CDH13: variants seen among roughly 807,000 people sequenced by gnomAD.
CDH13 encodes the protein cadherin-13.
In CDH13, 24 loss-of-function variants were observed where a neutral mutation model predicts 63.8. That is an observed-to-expected ratio of 0.38 (90% CI 0.27 to 0.53). CDH13 has a LOEUF of 0.53. Ranked by LOEUF, CDH13 falls within the 20% of genes least tolerant of loss-of-function variation. The pLI is 0.85. For missense variants in CDH13, 1,049 were observed against 903.1 expected (o/e 1.16, Z -2.07); for synonymous variants, 503 against 355.3 (o/e 1.42, Z -4.67).
intron 10 of CDH13, among the ~76,000 whole-genome samples, chr16:83,693,420 TA>T (rs753756323): frequency 6.4e-4 from 98 of 152,322 alleles, no homozygotes; most frequent in South Asian, 1.2e-3. Flanking sequence ...TTGAGACTGA[TA>T]GGGGTGTTTT....
intron 2 of CDH13, among the ~76,000 whole-genome samples, chr16:82,876,399 T>C (rs921911186): frequency 6.6e-6 from 1 of 152,236 alleles, no homozygotes; most frequent in East Asian, 1.9e-4. Flanking sequence ...GTATACGACA[T>C]TGAAAGAACA....
At chr16:82,835,822 G>C (rs2038743786) in intron 1 of CDH13, among the ~76,000 whole-genome samples, 1 of 152,092 alleles carries the variant, frequency 6.6e-6, no homozygotes, top group Non-Finnish European at 1.5e-5. Flanking sequence ...TTTAATTCTT[G>C]GCCAGAGTCT....
chr16:83,472,186 TCA>T (rs1226292772), intron 6 of CDH13, among the ~76,000 whole-genome samples: 3 of 152,162 alleles, frequency 2.0e-5, no homozygotes, highest in Non-Finnish European at 1.5e-5. Context: ...TACCTCAGGC[TCA>T]CTGTTGTCCA....
intron 4 of CDH13, among the ~76,000 whole-genome samples, chr16:83,180,439 C>T (rs1016803503): frequency 6.6e-6 from 1 of 151,836 alleles, no homozygotes; most frequent in Non-Finnish European, 1.5e-5. Flanking sequence ...AAAAATAGTG[C>T]CAAGGAATGG....
intron 7 of CDH13, among the ~76,000 whole-genome samples, chr16:83,496,814 GA>G (rs1293587964): frequency 6.6e-6 from 1 of 151,928 alleles, no homozygotes; most frequent in Non-Finnish European, 1.5e-5. Flanking sequence ...AAATTTACAA[GA>G]AAAAAACAAA....
intron 3 of CDH13, among the ~76,000 whole-genome samples, chr16:83,112,359 A>T (rs193086793): frequency 1.6e-4 from 24 of 152,196 alleles, no homozygotes; most frequent in African/African-American, 5.5e-4. Flanking sequence ...ACAGGCTTTG[A>T]GAGGGAGACA....
chr16:83,199,287 T>C (rs1468426296), intron 4 of CDH13, among the ~76,000 whole-genome samples: 1 of 152,246 alleles, frequency 6.6e-6, no homozygotes, highest in Non-Finnish European at 1.5e-5. Context: ...GTCATCCTTT[T>C]CCTGAAGCCT....
chr16:83,451,121 G>T (rs1223562434), intron 6 of CDH13, among the ~76,000 whole-genome samples: 1 of 152,130 alleles, frequency 6.6e-6, no homozygotes, highest in Admixed American at 6.5e-5. Flanking sequence ...TGTTTCTGAA[G>T]CAAAGGAGAA....
chr16:83,309,335 C>T (rs564337442), intron 5 of CDH13, among the ~76,000 whole-genome samples: 1 of 151,708 alleles, frequency 6.6e-6, no homozygotes, highest in South Asian at 2.1e-4. Flanking sequence ...CAGCAGATGT[C>T]CTTTGAGGGT....
intron 4 of CDH13, among the ~76,000 whole-genome samples, chr16:83,158,675 G>A (rs1235661722): frequency 2.6e-5 from 4 of 152,196 alleles, no homozygotes; most frequent in Non-Finnish European, 4.4e-5. Flanking sequence ...ACAGATCCAC[G>A]GTACACTCAG....
At chr16:82,662,031 C>G (rs1048299197) in intron 1 of CDH13, among the ~76,000 whole-genome samples, 3 of 152,176 alleles carry the variant, frequency 2.0e-5, no homozygotes, top group Admixed American at 1.3e-4. Flanking sequence ...TTCTCATGTG[C>G]AGATGTAGGA....
At chr16:82,993,231 G>A (rs1436297516) in intron 2 of CDH13, among the ~76,000 whole-genome samples, 1 of 151,820 alleles carries the variant, frequency 6.6e-6, no homozygotes, top group Non-Finnish European at 1.5e-5. Context: ...TCTCCCAAAG[G>A]CAGCCCAAGT....
chr16:83,099,097 TAAAG>T (rs757126755), intron 3 of CDH13, among the ~76,000 whole-genome samples: 4 of 152,066 alleles, frequency 2.6e-5, no homozygotes, highest in Admixed American at 6.6e-5. Context: ...CACACATACA[TAAAG>T]ATAGTGTTCA....
At position 82,719,704 on chromosome 16, in the gene CDH13, G is replaced by A. The variant is rs542789685; in HGVS notation, c.45+92567G>A. Among the ~76,000 whole-genome samples the A allele has an allele frequency of 5.3e-5, 8 of 152,130 alleles. No individual in the cohort carries two copies. The East Asian group carries it at 1.5e-3, about 29-fold the overall frequency. ...CTACTGAAAATACAAAATTTATCTG[G>A]GTGTGGTGGTGGGTGTCTATAATCC... On this transcript the variant is annotated intron_variant, in intron 1 of 13. Coordinates refer to ENST00000567109, the MANE Select transcript of CDH13 (RefSeq NM_001257.5).
At chr16:82,845,940 A>T (rs746636760) in intron 1 of CDH13, among the ~76,000 whole-genome samples, 1 of 152,216 alleles carries the variant, frequency 6.6e-6, no homozygotes, top group South Asian at 2.1e-4. Flanking sequence ...TAATCCTGGA[A>T]TCTTAATAGT....
chr16:83,284,609 T>C (rs1206419526), intron 5 of CDH13, among the ~76,000 whole-genome samples: 10 of 152,134 alleles, frequency 6.6e-5, no homozygotes, highest in Admixed American at 4.6e-4. Flanking sequence ...GGCTGAGAAC[T>C]TCTCTGGTCA....
intron 10 of CDH13, among the ~76,000 whole-genome samples, chr16:83,704,271 A>C (rs1906680199): frequency 6.6e-6 from 1 of 152,188 alleles, no homozygotes; most frequent in East Asian, 1.9e-4. Context: ...TAGGTTGTTA[A>C]GGCAAGAGAG....
At chr16:83,118,235 C>T (rs943607969) in intron 3 of CDH13, among the ~76,000 whole-genome samples, 3 of 152,156 alleles carry the variant, frequency 2.0e-5, no homozygotes, top group African/African-American at 7.2e-5. Context: ...CACACCTCTG[C>T]GTGCCTACGT....
intron 6 of CDH13, chr16:83,396,871 C>T (rs997483114): frequency 6.6e-6 from 1 of 152,174 alleles, no homozygotes; most frequent in Non-Finnish European, 1.5e-5. Context: ...CATGGTTTCA[C>T]ATTTTTAATT....
Sources: allele counts gnomAD v4.1 joint callset (sites outside exome capture counted in the v4.1 genomes callset), GRCh38; gene constraint gnomAD v4.1.1; transcripts MANE v1.5; gene names NCBI Gene and HGNC (gene_info 2026-07-23, HGNC 2026-07-21).